ZNF721: variants seen among roughly 807,000 people sequenced by gnomAD.
The protein encoded by ZNF721 is zinc finger protein 721.
In ZNF721, 2 loss-of-function variants were observed where a neutral mutation model predicts 2.4. The ratio of observed to expected loss-of-function variants is 0.82; its 90% CI spans 0.34 to 2.58. ZNF721 has a LOEUF of 2.58. Among genes scored for constraint, ZNF721 ranks in the 30% most tolerant of loss-of-function variants. The pLI is 0.11. For synonymous variants in ZNF721, 398 were observed against 381.8 expected (o/e 1.04, Z -0.50); for missense variants, 1,187 against 1,085.5 (o/e 1.09, Z -1.31).
At chr4:454,433 T>C (rs539828956) in intron 2 of ZNF721, among the ~76,000 whole-genome samples, 1 of 152,354 alleles carries the variant, frequency 6.6e-6, no homozygotes, top group African/African-American at 2.4e-5. Context: ...CTGTGTACTG[T>C]TGTGTTGCAA....
At chr4:457,400 G>C (rs1169356587) in intron 2 of ZNF721, among the ~76,000 whole-genome samples, 2 of 152,186 alleles carry the variant, frequency 1.3e-5, no homozygotes, top group African/African-American at 4.8e-5. Flanking sequence ...ACATGCCCTT[G>C]CTTGAGTGGC....
intron 1 of ZNF721, among the ~76,000 whole-genome samples, chr4:494,047 C>T (rs1278166608): frequency 6.6e-6 from 1 of 151,942 alleles, no homozygotes; most frequent in Non-Finnish European, 1.5e-5. Flanking sequence ...TTCTTTTTTC[C>T]TGATAAAGTA....
chr4:469,107 TTG>T (rs1553867235), intron 2 of ZNF721, among the ~76,000 whole-genome samples: 2 of 152,188 alleles, frequency 1.3e-5, no homozygotes, highest in East Asian at 1.9e-4. Flanking sequence ...GGTTGTTTTT[TTG>T]TGTGTTTTTG....
rs1364690665 is a variant in ZNF721 at position 440,829 on chromosome 4, C to T, written c.*866G>A. The T allele has an allele frequency of 6.6e-6, 1 of 152,188 alleles. No individual in the cohort carries two copies. Among genetic ancestry groups the T allele is most frequent in the East Asian group, 1.9e-4 (1 of 5,192 alleles). The allele number at this position is 152,188 out of a possible 1,614,324, so 9.4% of individuals were successfully genotyped here. A position where few individuals can be genotyped will look rare whatever the true frequency, so the allele number is the denominator to read the frequency against. Reference sequence around the variant, plus strand: ...TACAGCCATGCACCACCATGTCCTGCTAATTTTTGTATTTTTAGTACAGAC... The same window carrying T: ...TACAGCCATGCACCACCATGTCCTGTTAATTTTTGTATTTTTAGTACAGAC... On this transcript the variant is annotated 3_prime_UTR_variant, in exon 3 of 3. Transcript: ENST00000511833.
intron 1 of ZNF721, among the ~76,000 whole-genome samples, chr4:495,724 C>T (rs28558479): frequency 0.42 from 63,349 of 151,582 alleles, 14,054 homozygotes; most frequent in African/African-American, 0.59. Context: ...TGCCTCAGCC[C>T]CCCAAGTAAC....
At chr4:468,556 T>G (rs1553867106) in intron 2 of ZNF721, among the ~76,000 whole-genome samples, 2 of 152,146 alleles carry the variant, frequency 1.3e-5, no homozygotes, top group Non-Finnish European at 2.9e-5. Flanking sequence ...GCCATATAGA[T>G]TAATGTCCTC....
At chr4:473,956 G>A (rs1248626718) in intron 1 of ZNF721, 6 of 1,505,312 alleles carry the variant, frequency 4.0e-6, no homozygotes, top group Admixed American at 1.8e-5. Flanking sequence ...CCCCAGCCTT[G>A]GGACGCCCTG....
At chr4:495,505 A>G (rs1412353117) in intron 1 of ZNF721, among the ~76,000 whole-genome samples, 2 of 145,214 alleles carry the variant, frequency 1.4e-5, no homozygotes, top group East Asian at 2.0e-4. Context: ...TAGCTTTGCC[A>G]CAGATTTCAG....
intron 2 of ZNF721, among the ~76,000 whole-genome samples, chr4:452,852 C>T (rs1273257949): frequency 6.6e-6 from 1 of 152,078 alleles, no homozygotes; most frequent in Non-Finnish European, 1.5e-5. Flanking sequence ...ATGAGTTTCC[C>T]CAATACTCAC....
At chr4:497,748 A>AAAT (rs1560250323) in intron 1 of ZNF721, among the ~76,000 whole-genome samples, 1 of 150,438 alleles carries the variant, frequency 6.6e-6, no homozygotes. Context: ...AAAAAAAAAA[A>AAAT]TTTGACGGGC....
chr4:478,923 CCAT>C (rs1715704844), intron 1 of ZNF721, among the ~76,000 whole-genome samples: 1 of 152,046 alleles, frequency 6.6e-6, no homozygotes. Context: ...GCACCCACCA[CCAT>C]GCCAGGCTAA....
intron 2 of ZNF721, among the ~76,000 whole-genome samples, chr4:462,049 C>T (rs548023416): frequency 1.3e-5 from 2 of 152,246 alleles, no homozygotes; most frequent in South Asian, 4.1e-4. Flanking sequence ...TGATATGCAA[C>T]TTCAGCAGTC....
At chr4:489,375 T>C (rs1445870872) in intron 1 of ZNF721, among the ~76,000 whole-genome samples, 1 of 152,170 alleles carries the variant, frequency 6.6e-6, no homozygotes. Context: ...GAGGTTTCCT[T>C]TTGCTTAATA....
chr4:450,116 T>A (rs1259168141), intron 2 of ZNF721, among the ~76,000 whole-genome samples: 3 of 152,188 alleles, frequency 2.0e-5, no homozygotes, highest in African/African-American at 7.2e-5. Context: ...CTGGATCACA[T>A]GTTCTATTTT....
intron 2 of ZNF721, among the ~76,000 whole-genome samples, chr4:460,443 G>A (rs1715026479): frequency 6.6e-6 from 1 of 152,042 alleles, no homozygotes; most frequent in South Asian, 2.1e-4. Flanking sequence ...AGCAGTCTTT[G>A]GAGGGAAATC....
Position 442,606 on chromosome 4 carries a change from C to CT in ZNF721, c.1860dup (p.Asp621ArgfsTer24). 6.2e-7 allele frequency: 1 copy of CT among 1,613,774 alleles called. No individual in the cohort carries two copies. Among genetic ancestry groups the CT allele is most frequent in the Non-Finnish European group, 8.5e-7 (1 of 1,179,862 alleles). ...TTCAGGTCCGTGTACCATACAAAGT[C>CT]TTTGCCACACTCTTCACATTTGTAA... On this transcript the variant is annotated frameshift_variant, in exon 3 of 3. Transcript: ENST00000511833. LOFTEE classifies it low-confidence loss of function (END_TRUNC).
rs1310948256 is a variant in ZNF721 at position 442,710 on chromosome 4, T to G, written c.1757A>C (p.Lys586Thr). Residue 586 changes from lysine (K) to threonine (T), a missense_variant, in exon 3 of 3, where the codon AAA becomes ACA. Coordinates refer to ENST00000511833, the MANE Select transcript of ZNF721 (RefSeq NM_133474.4). ...AAAGGCTTTGCCACACTCTTCACAT[T>G]TGTAAGGTTTCTCTCCAGTATGAAT... ...RRIHTGEKPY[K>T]CEECGKAFGR... 1.2e-6 allele frequency: 2 copies of G among 1,614,066 alleles called. No individual in the cohort carries two copies. Among genetic ancestry groups the G allele is most frequent in the Non-Finnish European group, 1.7e-6 (2 of 1,179,994 alleles).
At chr4:482,557 C>T (rs532004143) in intron 1 of ZNF721, among the ~76,000 whole-genome samples, 2 of 151,884 alleles carry the variant, frequency 1.3e-5, no homozygotes, top group African/African-American at 2.4e-5. Flanking sequence ...AGTGAAGTGG[C>T]GTGATCTCGG....
At chr4:450,886 G>A (rs6818905) in intron 2 of ZNF721, among the ~76,000 whole-genome samples, 45,678 of 138,046 alleles carry the variant, frequency 0.33, 7,578 homozygotes, top group Middle Eastern at 0.38. Context: ...GCAGTGAGCC[G>A]AGATTGCACC....
Sources: gnomAD v4.1 joint callset for allele counts (sites outside exome capture counted in the v4.1 genomes callset) on GRCh38, gnomAD v4.1.1 for gene constraint, MANE v1.5 for transcripts, NCBI Gene and HGNC (gene_info 2026-07-23, HGNC 2026-07-21) for gene names.